Variants in FAM118B observed in about 807,000 individuals in gnomAD.
FAM118B encodes the protein protein FAM118B.
A neutral mutation model predicts 38.5 loss-of-function variants in FAM118B; 24 were observed. The ratio of observed to expected loss-of-function variants is 0.62; its 90% CI spans 0.45 to 0.88. FAM118B has a LOEUF of 0.88. Ranked by LOEUF, FAM118B falls within the 40% of genes least tolerant of loss-of-function variation. The pLI, the probability that FAM118B is intolerant of heterozygous loss-of-function variation, is 0.00. For missense variants in FAM118B, 334 were observed against 420.0 expected (o/e 0.80, Z 1.79); for synonymous variants, 138 against 156.3 (o/e 0.88, Z 0.87).
intron 3 of FAM118B, among the ~76,000 whole-genome samples, chr11:126,239,477 C>G (rs1192998699): frequency 6.6e-6 from 1 of 152,126 alleles, no homozygotes; most frequent in Non-Finnish European, 1.5e-5. Flanking sequence ...CTTGATTGCT[C>G]TGAACTGAAA....
chr11:126,213,769 C>T (rs2135115168), intron 1 of FAM118B, among the ~76,000 whole-genome samples: 1 of 152,310 alleles, frequency 6.6e-6, no homozygotes, highest in Non-Finnish European at 1.5e-5. Context: ...AGAACCAACT[C>T]AAATGTCATT....
intron 1 of FAM118B, among the ~76,000 whole-genome samples, chr11:126,228,255 G>A (rs1950169511): frequency 6.6e-6 from 1 of 151,984 alleles, no homozygotes; most frequent in Non-Finnish European, 1.5e-5. Context: ...CTGGAGTGCA[G>A]TGGCATAATC....
At chr11:126,260,205 G>C (rs1288956200) in intron 7 of FAM118B, among the ~76,000 whole-genome samples, 2 of 151,506 alleles carry the variant, frequency 1.3e-5, no homozygotes, top group Non-Finnish European at 2.9e-5. Context: ...GCTAATTTTT[G>C]TATTTTTTGT....
intron 4 of FAM118B, among the ~76,000 whole-genome samples, chr11:126,248,893 T>C (rs1358468827): frequency 6.6e-6 from 1 of 152,198 alleles, no homozygotes; most frequent in African/African-American, 2.4e-5. Flanking sequence ...GGATCAGATA[T>C]TACATCACAT....
In FAM118B at chr11:126,253,858, T is replaced by C. The variant is rs1403568575; in HGVS notation, c.568-447T>C. 6.6e-6 allele frequency among the ~76,000 whole-genome samples: 1 copy of C among 152,216 alleles called. No homozygotes were observed. Among genetic ancestry groups the C allele is most frequent in the Non-Finnish European group, 1.5e-5 (1 of 68,036 alleles). On this transcript the variant is annotated intron_variant, in intron 5 of 8. Coordinates refer to ENST00000533050, the MANE Select transcript of FAM118B (RefSeq NM_024556.4). This position sits in a 1 kb window ranked among gnomAD's most constrained non-coding sequence, Gnocchi z 5.1. The stretch of plus-strand genomic sequence containing the variant: ...AGTAAGACTTCTTGTGCCAACACTT[T>C]TCAAGCTTCTGCTTGTGTGTGTTTG...
chr11:126,258,632 C>G (rs974722794), intron 7 of FAM118B, among the ~76,000 whole-genome samples: 2 of 152,172 alleles, frequency 1.3e-5, no homozygotes, highest in African/African-American at 4.8e-5. Flanking sequence ...TTCTGGTGTC[C>G]TGCAGTGTTC....
intron 1 of FAM118B, among the ~76,000 whole-genome samples, chr11:126,215,244 T>G (rs1949963340): frequency 6.6e-6 from 1 of 152,238 alleles, no homozygotes; most frequent in African/African-American, 2.4e-5. Flanking sequence ...TACTTCTCTT[T>G]CAGCCCGAAT....
chr11:126,223,442 CA>C (rs1314352828), intron 1 of FAM118B, among the ~76,000 whole-genome samples: 1 of 151,840 alleles, frequency 6.6e-6, no homozygotes, highest in Non-Finnish European at 1.5e-5. Flanking sequence ...ACTAAAAATA[CA>C]AAAAATTAGC....
intron 1 of FAM118B, among the ~76,000 whole-genome samples, chr11:126,221,205 T>G (rs1173465898): frequency 6.6e-6 from 1 of 152,142 alleles, no homozygotes; most frequent in East Asian, 1.9e-4. Context: ...ACAATATTAA[T>G]TTTTGGCTAA....
chr11:126,234,304 A>G (rs1484066014), intron 2 of FAM118B, among the ~76,000 whole-genome samples: 1 of 152,228 alleles, frequency 6.6e-6, no homozygotes, highest in African/African-American at 2.4e-5. Context: ...TTAGAACTTT[A>G]TAGTATTCAT....
chr11:126,253,274 C>T lies in FAM118B; in HGVS notation c.568-1031C>T, dbSNP rs557036149. ...AGTGTTGCAGTCTAATGGTTAAAGA[C>T]ATTGACTGGTAGTCAGAATGGGGCC... is the stretch of plus-strand genomic sequence containing the variant. On this transcript the variant is annotated intron_variant, in intron 5 of 8. Transcript: ENST00000533050. This position sits in a 1 kb window ranked among gnomAD's most constrained non-coding sequence, Gnocchi z 5.1. 7.9e-5 allele frequency among the ~76,000 whole-genome samples: 12 copies of T among 152,142 alleles called. No individual in the cohort carries two copies. The highest frequency in any genetic ancestry group is 1.8e-4 in the Non-Finnish European group (12 of 68,028).
rs2135211279 is a variant in FAM118B, at chr11:126,255,359, T to C, written c.696+926T>C. On this transcript the variant is annotated intron_variant, in intron 6 of 8. Transcript: ENST00000533050. The surrounding 1 kb of genome is among the most constrained non-coding windows in gnomAD (Gnocchi z 4.6). ...TGAGGCAAAAGACCGAGAAAATGTA[T>C]TGTCTAAAGCACAAGGGACTTTTTT... Among the ~76,000 whole-genome samples the C allele has an allele frequency of 6.6e-6, 1 of 152,330 alleles. No homozygotes were observed. The highest frequency in any genetic ancestry group is 6.5e-5 in the Admixed American group (1 of 15,300).
At chr11:126,234,222 G>A (rs751733539) in intron 2 of FAM118B, among the ~76,000 whole-genome samples, 1 of 152,184 alleles carries the variant, frequency 6.6e-6, no homozygotes, top group Non-Finnish European at 1.5e-5. Context: ...TATTGTGTGT[G>A]TGTTTAAAAT....
intron 4 of FAM118B, among the ~76,000 whole-genome samples, chr11:126,248,458 C>CCT (rs1950449814): frequency 7.4e-6 from 1 of 135,534 alleles, no homozygotes; most frequent in African/African-American, 2.7e-5. Flanking sequence ...ACAACCTCTG[C>CCT]CTCCCGGATT....
rs964343147 is a variant in FAM118B, at chr11:126,250,839, A to G, written c.567+106A>G. 7 of 855,544 alleles carry G rather than the reference A, an allele frequency of 8.2e-6. No homozygotes were observed. In the African/African-American group the frequency reaches 8.6e-5, roughly 11 times the overall value. The allele number at this position is 855,544 out of a possible 1,614,324, so 53.0% of individuals were successfully genotyped here. A position where few individuals can be genotyped will look rare whatever the true frequency, so the allele number is the denominator to read the frequency against. ...TGGTATTTATGTAGAGCTAGAAAGGAAAAATTTTTTCCCTGGTTGGAGTTT... is the reference window on the plus strand; with the variant it reads ...TGGTATTTATGTAGAGCTAGAAAGGGAAAATTTTTTCCCTGGTTGGAGTTT... On this transcript the variant is annotated intron_variant, in intron 5 of 8. Coordinates refer to ENST00000533050, the MANE Select transcript of FAM118B (RefSeq NM_024556.4). The surrounding 1 kb of genome is among the most constrained non-coding windows in gnomAD (Gnocchi z 5.1).
At chr11:126,223,336 C>T (rs1327400463) in intron 1 of FAM118B, among the ~76,000 whole-genome samples, 3 of 151,944 alleles carry the variant, frequency 2.0e-5, no homozygotes, top group Admixed American at 2.0e-4. Flanking sequence ...TGTGGTGGCT[C>T]ACACCTGTAA....
intron 4 of FAM118B, among the ~76,000 whole-genome samples, chr11:126,246,029 A>G (rs1025285874): frequency 3.2e-4 from 48 of 151,882 alleles, no homozygotes; most frequent in African/African-American, 1.1e-3. Context: ...GAAAGAAAAG[A>G]GAACCCACAG....
intron 7 of FAM118B, chr11:126,261,224 C>T (rs2135227687): frequency 1.8e-6 from 1 of 565,956 alleles, no homozygotes; most frequent in Admixed American, 3.0e-5. Flanking sequence ...AAACTCACTG[C>T]TTCCCTGTTA....
rs1310898908 is a variant in FAM118B, at chr11:126,256,158, C to T, written c.697-409C>T. Among the ~76,000 whole-genome samples, 1 of 151,916 alleles carries T rather than the reference C, an allele frequency of 6.6e-6. No homozygotes were observed. Among genetic ancestry groups the T allele is most frequent in the East Asian group, 1.9e-4 (1 of 5,168 alleles). On this transcript the variant is annotated intron_variant, in intron 6 of 8. Coordinates refer to ENST00000533050, the MANE Select transcript of FAM118B (RefSeq NM_024556.4). This position sits in a 1 kb window ranked among gnomAD's most constrained non-coding sequence, Gnocchi z 6.6. ...TGGTGGTGCACACTTGTAATATACT[C>T]GGGAGGCTGAGGCATGAGAGTCACT...
Sources: gnomAD v4.1 joint callset for allele counts (sites outside exome capture counted in the v4.1 genomes callset) on GRCh38, gnomAD v4.1.1 for gene constraint, Gnocchi (gnomAD v3.1) non-coding constraint, MANE v1.5 for transcripts, NCBI Gene and HGNC (gene_info 2026-07-23, HGNC 2026-07-21) for gene names.